MYLK: variants seen among roughly 807,000 people sequenced by gnomAD.
The protein encoded by MYLK is myosin light chain kinase, smooth muscle.
In MYLK, 106 loss-of-function variants were observed where a neutral mutation model predicts 203.4. The observed-to-expected ratio is 0.52, with a 90% CI of 0.45 to 0.61. The LOEUF is 0.61. Among genes scored for constraint, MYLK ranks in the 20% least tolerant of loss-of-function variants. The pLI is 0.00. For synonymous variants in MYLK, 867 were observed against 959.5 expected, an observed-to-expected ratio of 0.90 and a Z score of 1.78; for missense variants, 2,072 against 2,442.3, an observed-to-expected ratio of 0.85 and a Z score of 3.20.
intron 4 of MYLK, among the ~76,000 whole-genome samples, chr3:123,778,697 G>A (rs371091362): frequency 6.6e-6 from 1 of 152,152 alleles, no homozygotes; most frequent in East Asian, 1.9e-4. Context: ...CCATGTGCTC[G>A]CCCAGGGGCG....
chr3:123,824,092 CT>C lies in MYLK; in HGVS notation c.-4+7455del, dbSNP rs750541116. Among the ~76,000 whole-genome samples the C allele has an allele frequency of 4.0e-3, 571 of 143,218 alleles. 2 individuals carry two copies. The highest frequency in any genetic ancestry group is 8.1e-3 in the African/African-American group (318 of 39,472). The allele number at this position is 143,218 out of a possible 152,430, so 94.0% of individuals were successfully genotyped here. On this transcript the variant is annotated intron_variant, in intron 3 of 33. Coordinates refer to ENST00000360304, the MANE Select transcript of MYLK (RefSeq NM_053025.4). ...TGCTCCTTATTGTACTTTATTGTTT[CT>C]TTTTTTTTTTTTTGAGACGGAGTTT... is the stretch of plus-strand genomic sequence containing the variant.
intron 4 of MYLK, among the ~76,000 whole-genome samples, chr3:123,762,917 T>A (rs1037510878): frequency 1.3e-5 from 2 of 152,244 alleles, no homozygotes; most frequent in Admixed American, 1.3e-4. Context: ...CGGTCTGTGG[T>A]ATTTTGTTAT....
At chr3:123,666,151 C>A in intron 22 of MYLK, 68 bp downstream of exon 22, 1 of 1,612,804 alleles carries the variant, frequency 6.2e-7, no homozygotes, top group Admixed American at 1.7e-5. Flanking sequence ...ATTTCTCATC[C>A]CTTTCGGTCC....
At chr3:123,818,468 C>T (rs1340897729) in intron 3 of MYLK, among the ~76,000 whole-genome samples, 1 of 152,086 alleles carries the variant, frequency 6.6e-6, no homozygotes, top group Non-Finnish European at 1.5e-5. Context: ...GGCAAGTCGA[C>T]CACTTGAGCC....
intron 4 of MYLK, among the ~76,000 whole-genome samples, chr3:123,781,830 C>T (rs2064311473): frequency 6.6e-6 from 1 of 152,036 alleles, no homozygotes; most frequent in Non-Finnish European, 1.5e-5. Context: ...TGGTAAAGTG[C>T]TTCATAAACA....
At chr3:123,699,861 G>A (rs2061107781) in intron 18 of MYLK, among the ~76,000 whole-genome samples, 159 bp downstream of exon 18, 1 of 152,184 alleles carries the variant, frequency 6.6e-6, no homozygotes, top group Admixed American at 6.5e-5. Context: ...CAGGAAACAG[G>A]GACGCGGCCC....
chr3:123,707,679 G>A, intron 16 of MYLK, 75 bp downstream of exon 16: 1 of 1,609,368 alleles, frequency 6.2e-7, no homozygotes, highest in Non-Finnish European at 8.5e-7. Context: ...TCTTCTGGCT[G>A]CCCAGACCCA....
At chr3:123,676,261 T>G (rs2060069487) in intron 20 of MYLK, among the ~76,000 whole-genome samples, 1 of 152,194 alleles carries the variant, frequency 6.6e-6, no homozygotes, top group Non-Finnish European at 1.5e-5. Flanking sequence ...GACCCACATT[T>G]TGGTTGGGAG....
intron 20 of MYLK, among the ~76,000 whole-genome samples, chr3:123,677,920 C>CAT (rs2060130493): frequency 1.1e-4 from 3 of 27,568 alleles, no homozygotes; most frequent in African/African-American, 2.1e-4. Flanking sequence ...TATATATATA[C>CAT]ACACACACAC....
At chr3:123,737,584 T>C in intron 7 of MYLK, 41 bp from the exon 8 acceptor site, 1 of 1,612,924 alleles carries the variant, frequency 6.2e-7, no homozygotes, top group Non-Finnish European at 8.5e-7. Context: ...ACAAATCTGC[T>C]CACCTTCTGG....
At chr3:123,738,517 G>C (rs893843204) in intron 7 of MYLK, among the ~76,000 whole-genome samples, 1 of 152,286 alleles carries the variant, frequency 6.6e-6, no homozygotes, top group Non-Finnish European at 1.5e-5. Flanking sequence ...TGGTTTGGCT[G>C]TGTCCCCACC....
rs377668947 is a variant in MYLK, at chr3:123,813,730, C to T, written c.-4+17818G>A. Among the ~76,000 whole-genome samples the T allele has an allele frequency of 5.9e-5, 9 of 152,158 alleles. No homozygotes were observed. The East Asian group carries it at 1.4e-3, about 23-fold the overall frequency. On this transcript the variant is annotated intron_variant, in intron 3 of 33. Coordinates refer to ENST00000360304, the MANE Select transcript of MYLK (RefSeq NM_053025.4). ...TTCACCATGTTGGCCAGGCTGGGCT[C>T]GAACTCCCAACCTCAAGCAATCTGC...
chr3:123,715,592 C>T (rs1410182531), intron 13 of MYLK, among the ~76,000 whole-genome samples: 2 of 151,730 alleles, frequency 1.3e-5, no homozygotes, highest in African/African-American at 4.8e-5. Flanking sequence ...CTACCTCTTG[C>T]ACTAATTCTT....
intron 27 of MYLK, among the ~76,000 whole-genome samples, chr3:123,645,748 A>C (rs928137919): frequency 4.6e-5 from 7 of 152,228 alleles, no homozygotes; most frequent in African/African-American, 1.7e-4. Context: ...AGGCTGCTTA[A>C]ATGAATTGTG....
chr3:123,870,053 C>T (rs928774714), intron 2 of MYLK, among the ~76,000 whole-genome samples: 12 of 152,168 alleles, frequency 7.9e-5, no homozygotes, highest in Admixed American at 3.9e-4. Flanking sequence ...CACACACAGG[C>T]ACACTCTTCT....
At chr3:123,677,493 C>CCTA (rs1406185243) in intron 20 of MYLK, among the ~76,000 whole-genome samples, 2 of 152,110 alleles carry the variant, frequency 1.3e-5, no homozygotes, top group African/African-American at 4.8e-5. Context: ...CTCCCCATGC[C>CCTA]CTACTCAGCT....
intron 1 of MYLK, among the ~76,000 whole-genome samples, chr3:123,879,250 C>T (rs1364001012): frequency 6.6e-6 from 1 of 152,126 alleles, no homozygotes; most frequent in East Asian, 1.9e-4. Flanking sequence ...ATATTATTGG[C>T]AGCAGAGGGA....
chr3:123,618,922 G>T, intron 32 of MYLK, 152 bp from the exon 33 acceptor site: 1 of 1,061,678 alleles, frequency 9.4e-7, no homozygotes, highest in Non-Finnish European at 1.4e-6. Context: ...TTCTCCTGGG[G>T]ACAGGTTGGC....
intron 2 of MYLK, among the ~76,000 whole-genome samples, chr3:123,851,082 C>G (rs1053262241): frequency 6.6e-6 from 1 of 152,222 alleles, no homozygotes; most frequent in Middle Eastern, 3.4e-3. Context: ...TCTGAGGGCT[C>G]TGTTTTGTTC....
Sources: allele counts gnomAD v4.1 joint callset (sites outside exome capture counted in the v4.1 genomes callset), GRCh38; gene constraint gnomAD v4.1.1; transcripts MANE v1.5; gene names NCBI Gene and HGNC (gene_info 2026-07-23, HGNC 2026-07-21).